Variants in CCDC167 observed in about 807,000 individuals in gnomAD.
CCDC167 encodes coiled-coil domain-containing protein 167.
CCDC167 carries 15 observed loss-of-function variants against 12.7 expected under a neutral mutation model. The ratio of observed to expected loss-of-function variants is 1.18; its 90% confidence interval spans 0.79 to 1.81. CCDC167 has a LOEUF of 1.81. CCDC167 is among the 40% of genes most tolerant of loss of function. The pLI is 0.00. For synonymous variants in CCDC167, 52 were observed against 49.0 expected (o/e 1.06, Z -0.26); for missense variants, 121 against 120.1 (o/e 1.01, Z -0.03).
intron 1 of CCDC167, among the ~76,000 whole-genome samples, chr6:37,488,173 T>G (rs754657502): frequency 3.3e-5 from 5 of 152,190 alleles, no homozygotes; most frequent in African/African-American, 4.8e-5. Context: ...GAGCCAGCTG[T>G]CAACATGAGT....
chr6:37,489,007 G>T (rs1761980540), intron 1 of CCDC167, among the ~76,000 whole-genome samples: 1 of 152,292 alleles, frequency 6.6e-6, no homozygotes, highest in South Asian at 2.1e-4. Flanking sequence ...GGAGACCAAG[G>T]TGGGCGGATC....
At chr6:37,484,969 G>A (rs965882644) in intron 2 of CCDC167, 107 bp from the exon 3 acceptor site, 16 of 1,482,554 alleles carry the variant, frequency 1.1e-5, no homozygotes, top group Admixed American at 1.7e-5. Context: ...GGCGGCAGGG[G>A]GGGTGTGCAC....
At chr6:37,496,284 T>G (rs1189023246) in intron 1 of CCDC167, among the ~76,000 whole-genome samples, 1 of 151,452 alleles carries the variant, frequency 6.6e-6, no homozygotes, top group Non-Finnish European at 1.5e-5. Flanking sequence ...AATACAAAAC[T>G]TAGCTGGGCA....
intron 1 of CCDC167, among the ~76,000 whole-genome samples, chr6:37,492,049 T>A (rs909009407): frequency 1.3e-5 from 2 of 152,176 alleles, no homozygotes; most frequent in Non-Finnish European, 2.9e-5. Flanking sequence ...GCTTCCTGTG[T>A]CTGCAACCGC....
chr6:37,489,381 G>A (rs1271293775), intron 1 of CCDC167, among the ~76,000 whole-genome samples: 2 of 152,162 alleles, frequency 1.3e-5, no homozygotes, highest in Non-Finnish European at 2.9e-5. Context: ...CAGCAGGGAG[G>A]GCCCCCAGGG....
intron 1 of CCDC167, 119 bp downstream of exon 1, chr6:37,499,703 G>C: frequency 4.4e-6 from 5 of 1,133,152 alleles, no homozygotes; most frequent in Non-Finnish European, 6.6e-6. Flanking sequence ...TCCCCAAACC[G>C]CGTCGCCCTC....
intron 1 of CCDC167, among the ~76,000 whole-genome samples, chr6:37,490,354 C>G (rs1237199434): frequency 2.6e-5 from 4 of 152,080 alleles, no homozygotes; most frequent in South Asian, 2.1e-4. Context: ...GCAGGGGAGA[C>G]ACAGAGCACA....
rs182017726 is a variant in CCDC167, at chr6:37,492,412, T to C, written c.43-7218A>G. Among the ~76,000 whole-genome samples the C allele has an allele frequency of 1.9e-3, 286 of 152,344 alleles. 1 individual carries two copies. Among genetic ancestry groups the C allele is most frequent in the Non-Finnish European group, 3.0e-3 (202 of 68,036 alleles). On this transcript the variant is annotated intron_variant, in intron 1 of 3. Transcript: ENST00000373408. ...TACTCTCTGTGAGGGAAAGCCCTCA[T>C]TGAAATTTGTTTGTTGAGACAGAGG...
chr6:37,495,550 TCA>T (rs905077890), intron 1 of CCDC167, among the ~76,000 whole-genome samples: 31 of 152,332 alleles, frequency 2.0e-4, no homozygotes, highest in African/African-American at 7.5e-4. Context: ...AAGCTAAAAC[TCA>T]CAGTTTTTTC....
intron 1 of CCDC167, among the ~76,000 whole-genome samples, chr6:37,486,361 T>C (rs958138998): frequency 6.6e-6 from 1 of 152,246 alleles, no homozygotes; most frequent in Non-Finnish European, 1.5e-5. Flanking sequence ...GCAGGGTTAG[T>C]AATCAATGAC....
intron 1 of CCDC167, among the ~76,000 whole-genome samples, chr6:37,486,415 A>G (rs1236468199): frequency 1.3e-5 from 2 of 152,220 alleles, no homozygotes; most frequent in Non-Finnish European, 2.9e-5. Flanking sequence ...GTTAGAGGGT[A>G]GCAGGCATTC....
intron 1 of CCDC167, among the ~76,000 whole-genome samples, chr6:37,487,049 C>T (rs1761951827): frequency 6.6e-6 from 1 of 152,184 alleles, no homozygotes; most frequent in Admixed American, 6.5e-5. Context: ...TTCCACCCTC[C>T]TTCTCCTGGG....
chr6:37,490,034 A>ATT (rs1456984105), intron 1 of CCDC167, among the ~76,000 whole-genome samples: 3 of 152,238 alleles, frequency 2.0e-5, no homozygotes, highest in Admixed American at 2.0e-4. Context: ...ACATGGGGAA[A>ATT]AAGCACTGTG....
intron 1 of CCDC167, among the ~76,000 whole-genome samples, chr6:37,496,948 C>T (rs16889848): frequency 0.12 from 17,939 of 152,176 alleles, 1,123 homozygotes; most frequent in South Asian, 0.15. Flanking sequence ...CTTTCTCTGC[C>T]GGTGGACACA....
intron 1 of CCDC167, among the ~76,000 whole-genome samples, chr6:37,496,000 C>G (rs565453810): frequency 6.6e-6 from 1 of 152,284 alleles, no homozygotes; most frequent in African/African-American, 2.4e-5. Flanking sequence ...GATGTCAAAT[C>G]TTCGAATATC....
At chr6:37,491,524 C>T (rs1308220438) in intron 1 of CCDC167, among the ~76,000 whole-genome samples, 2 of 152,164 alleles carry the variant, frequency 1.3e-5, no homozygotes, top group South Asian at 2.1e-4. Flanking sequence ...CAGGGTCAGG[C>T]AGTGGTAATG....
intron 1 of CCDC167, 52 bp downstream of exon 1, chr6:37,499,770 G>C: frequency 1.3e-6 from 2 of 1,580,432 alleles, no homozygotes; most frequent in South Asian, 1.1e-5. Flanking sequence ...CTTATCCCGC[G>C]GCCAGGAGAA....
At chr6:37,493,534 T>C (rs181231495) in intron 1 of CCDC167, among the ~76,000 whole-genome samples, 28 of 152,370 alleles carry the variant, frequency 1.8e-4, no homozygotes, top group Non-Finnish European at 1.3e-4. Context: ...GAGCCAGATG[T>C]AGGCTGCCGC....
intron 1 of CCDC167, among the ~76,000 whole-genome samples, chr6:37,490,220 C>T (rs374556660): frequency 1.3e-4 from 20 of 152,100 alleles, no homozygotes; most frequent in Non-Finnish European, 2.5e-4. Context: ...CCTGTGTGAG[C>T]GGTCCAGGGG....
Sources: gnomAD v4.1 joint callset for allele counts (sites outside exome capture counted in the v4.1 genomes callset) on GRCh38, gnomAD v4.1.1 for gene constraint, MANE v1.5 for transcripts, NCBI Gene and HGNC (gene_info 2026-07-23, HGNC 2026-07-21) for gene names.